SCAMP1: variants seen among roughly 807,000 people sequenced by gnomAD.
The protein encoded by SCAMP1 is secretory carrier-associated membrane protein 1.
Under a neutral mutation model 41.8 loss-of-function variants are expected in SCAMP1, and 15 were observed. That is an observed-to-expected ratio of 0.36 (90% CI 0.24 to 0.55). SCAMP1 has a LOEUF of 0.55. Ranked by LOEUF, SCAMP1 falls within the 20% of genes least tolerant of loss-of-function variation. The pLI is 0.86. For synonymous variants in SCAMP1, 135 were observed against 136.8 expected (o/e 0.99, Z 0.09); for missense variants, 341 against 412.6 (o/e 0.83, Z 1.50).
chr5:78,448,138 CTCCTCTTCTTCT>C (rs1341099403), intron 6 of SCAMP1, among the ~76,000 whole-genome samples: 3 of 55,988 alleles, frequency 5.4e-5, no homozygotes, highest in Non-Finnish European at 1.0e-4. Context: ...CCTCTTCTTC[CTCCTCTTCTTCT>C]TCCTCCTTCT....
intron 2 of SCAMP1, among the ~76,000 whole-genome samples, chr5:78,412,883 A>G (rs192167527): frequency 5.3e-5 from 8 of 152,232 alleles, no homozygotes; most frequent in Non-Finnish European, 1.0e-4. Flanking sequence ...AAATTCGTCA[A>G]TTTTGTGTGG....
At chr5:78,449,316 G>A (rs1192849781) in intron 6 of SCAMP1, among the ~76,000 whole-genome samples, 5 of 152,114 alleles carry the variant, frequency 3.3e-5, no homozygotes, top group Non-Finnish European at 7.4e-5. Context: ...CAATGAAAAG[G>A]AATGAACTTT....
At chr5:78,416,404 C>A in intron 3 of SCAMP1, 137 bp from the exon 4 acceptor site, 1 of 583,630 alleles carries the variant, frequency 1.7e-6, no homozygotes, top group Non-Finnish European at 2.9e-6. Context: ...TAACTATGAT[C>A]TTCAGTAAAT....
At chr5:78,457,654 C>T in intron 7 of SCAMP1, 1 of 154,208 alleles carries the variant, frequency 6.5e-6, no homozygotes, top group Non-Finnish European at 1.4e-5. Context: ...CTGTGCCCTG[C>T]CCCCAGAGGT....
intron 4 of SCAMP1, 114 bp downstream of exon 4, chr5:78,416,763 C>T: frequency 2.8e-6 from 2 of 711,978 alleles, no homozygotes; most frequent in South Asian, 3.9e-5. Context: ...TTTTCCTGTT[C>T]TAACAAGGAG....
chr5:78,456,967 T>A (rs1002503989), intron 7 of SCAMP1, among the ~76,000 whole-genome samples: 3 of 135,508 alleles, frequency 2.2e-5, no homozygotes, highest in Non-Finnish European at 4.7e-5. Flanking sequence ...TTTCTTCCAG[T>A]TGATCGCATG....
chr5:78,423,426 TGTTA>T (rs1223036275), intron 6 of SCAMP1, among the ~76,000 whole-genome samples: 3 of 152,192 alleles, frequency 2.0e-5, no homozygotes, highest in Admixed American at 6.5e-5. Context: ...TTCTGTTTTT[TGTTA>T]GTTTGTTTTG....
intron 1 of SCAMP1, among the ~76,000 whole-genome samples, chr5:78,373,429 C>T (rs1174851625): frequency 2.6e-5 from 4 of 152,112 alleles, no homozygotes; most frequent in African/African-American, 9.7e-5. Flanking sequence ...ACTAACTCAA[C>T]CTAAAACAAG....
intron 8 of SCAMP1, among the ~76,000 whole-genome samples, chr5:78,460,792 C>CTTTCTTTCTTTCTTTCTTTCTTT (rs1455953441): frequency 1.2e-4 from 4 of 34,620 alleles, no homozygotes; most frequent in Admixed American, 1.8e-4. Context: ...TTCCTTCCTT[C>CTTTCTTTCTTTCTTTCTTTCTTT]CTTCCTTCCT....
In SCAMP1 at chr5:78,432,019, A is replaced by G. The variant is rs115354435; in HGVS notation, c.632+10059A>G. On this transcript the variant is annotated intron_variant, in intron 6 of 8. Coordinates refer to ENST00000621999, the MANE Select transcript of SCAMP1 (RefSeq NM_004866.6). The stretch of plus-strand genomic sequence containing the variant: ...TTTAAAATCTACAATTATTTTGACA[A>G]TAGTCACCCTGTCGTGCTATCAAAT... Among the ~76,000 whole-genome samples the G allele has an allele frequency of 4.1e-3, 629 of 152,176 alleles. 2 individuals carry two copies. The highest frequency in any genetic ancestry group is 0.014 in the African/African-American group (582 of 41,540).
At chr5:78,432,243 GA>G (rs1233174151) in intron 6 of SCAMP1, among the ~76,000 whole-genome samples, 10 of 152,034 alleles carry the variant, frequency 6.6e-5, no homozygotes, top group Non-Finnish European at 1.5e-4. Flanking sequence ...AAGGAAAAAT[GA>G]ATTTTACATT....
intron 1 of SCAMP1, among the ~76,000 whole-genome samples, chr5:78,378,670 T>C (rs573568827): frequency 6.8e-4 from 104 of 152,360 alleles, no homozygotes; most frequent in African/African-American, 2.4e-3. Flanking sequence ...TACTAGAGTA[T>C]TGACAGAGTA....
intron 6 of SCAMP1, among the ~76,000 whole-genome samples, chr5:78,436,746 T>C (rs984118498): frequency 4.6e-5 from 7 of 152,194 alleles, no homozygotes; most frequent in African/African-American, 1.7e-4. Context: ...GTAGTTTTTT[T>C]CCAATTCTGT....
intron 1 of SCAMP1, among the ~76,000 whole-genome samples, chr5:78,383,271 A>C (rs1751255830): frequency 6.6e-6 from 1 of 151,630 alleles, no homozygotes; most frequent in Admixed American, 6.6e-5. Flanking sequence ...TCCTTAGCCC[A>C]CTTTTTGATG....
chr5:78,469,629 GTA>G (rs1340967448), intron 8 of SCAMP1, among the ~76,000 whole-genome samples: 1 of 151,930 alleles, frequency 6.6e-6, no homozygotes, highest in Non-Finnish European at 1.5e-5. Context: ...AGATTGGTGA[GTA>G]TTTATAATGC....
chr5:78,386,540 T>A (rs1256963997), intron 1 of SCAMP1, among the ~76,000 whole-genome samples: 1 of 151,912 alleles, frequency 6.6e-6, no homozygotes, highest in Admixed American at 6.6e-5. Context: ...TTTTTCATTG[T>A]ATTGTTTTAT....
rs534515555 is a variant in SCAMP1 at position 78,460,463 on chromosome 5, T to G, written c.852+1101T>G. ...AATAGCCATTTTGACTGGTGTGAGATGGGAATTATTGTGGTTTTGATTTGC... is the reference window on the plus strand; with the variant it reads ...AATAGCCATTTTGACTGGTGTGAGAGGGGAATTATTGTGGTTTTGATTTGC... On this transcript the variant is annotated intron_variant, in intron 8 of 8. Transcript: ENST00000621999. Among the ~76,000 whole-genome samples the G allele has an allele frequency of 3.3e-5, 5 of 152,278 alleles. No homozygotes were observed. The South Asian group carries it at 8.3e-4, about 25-fold the overall frequency.
intron 2 of SCAMP1, among the ~76,000 whole-genome samples, chr5:78,412,170 A>C (rs756391266): frequency 7.9e-5 from 12 of 152,026 alleles, no homozygotes; most frequent in Non-Finnish European, 1.5e-5. Context: ...CTTATTATTT[A>C]GATTTTGCCA....
intron 8 of SCAMP1, among the ~76,000 whole-genome samples, chr5:78,474,343 C>T (rs1270401444): frequency 1.3e-5 from 2 of 152,174 alleles, no homozygotes; most frequent in Non-Finnish European, 2.9e-5. Flanking sequence ...ATGTCTTTAG[C>T]CCATTCCTCT....
Sources: allele counts gnomAD v4.1 joint callset (sites outside exome capture counted in the v4.1 genomes callset), GRCh38; gene constraint gnomAD v4.1.1; transcripts MANE v1.5; gene names NCBI Gene and HGNC (gene_info 2026-07-23, HGNC 2026-07-21).